Variants in DRC8 observed in about 807,000 individuals in gnomAD.
DRC8 encodes the protein dynein regulatory complex protein 8.
chr1:245,084,902 G>A, the DRC8 span, among the ~76,000 whole-genome samples: 2 of 152,244 alleles, frequency 1.3e-5, no homozygotes, highest in Non-Finnish European at 1.5e-5. Context: ...GAACTCTGAC[G>A]CCATTGTTAA....
chr1:245,025,698 C>T, the DRC8 span, among the ~76,000 whole-genome samples: 1 of 152,266 alleles, frequency 6.6e-6, no homozygotes, highest in Non-Finnish European at 1.5e-5. Flanking sequence ...CACTGTGTCC[C>T]CACCCAGATC....
chr1:245,119,363 T>C, the DRC8 span, among the ~76,000 whole-genome samples: 2 of 148,398 alleles, frequency 1.3e-5, no homozygotes, highest in Non-Finnish European at 3.0e-5. Flanking sequence ...TTTTTCATAC[T>C]AAAAGTAACC....
chr1:245,115,741 G>A, the DRC8 span, among the ~76,000 whole-genome samples: 1 of 152,154 alleles, frequency 6.6e-6, no homozygotes, highest in East Asian at 1.9e-4. Context: ...CCAACACCAG[G>A]GCAGAATGAT....
the DRC8 span, among the ~76,000 whole-genome samples, chr1:245,073,962 A>G: frequency 6.6e-6 from 1 of 152,272 alleles, no homozygotes; most frequent in Non-Finnish European, 1.5e-5. Context: ...TCTAGTGGTC[A>G]CAAAGACACT....
the DRC8 span, among the ~76,000 whole-genome samples, chr1:245,078,456 TATGTAC>T: frequency 3.8e-3 from 56 of 14,576 alleles, no homozygotes; most frequent in African/African-American, 7.7e-3. Flanking sequence ...GTGGATAGTA[TATGTAC>T]ACACACACAC....
At chr1:244,981,466 C>T in the DRC8 span, among the ~76,000 whole-genome samples, 10 of 152,000 alleles carry the variant, frequency 6.6e-5, no homozygotes, top group African/African-American at 1.9e-4. Context: ...GAATGTTTTA[C>T]GTGTATTATG....
the DRC8 span, among the ~76,000 whole-genome samples, chr1:245,109,853 G>A: frequency 9.2e-5 from 14 of 152,194 alleles, no homozygotes; most frequent in Non-Finnish European, 1.8e-4. Flanking sequence ...GCCTCAGCTC[G>A]GCGGTGGCCT....
chr1:245,061,599 A>G, the DRC8 span, among the ~76,000 whole-genome samples: 1 of 152,224 alleles, frequency 6.6e-6, no homozygotes. Flanking sequence ...GGGTGGGAAA[A>G]AAGCACATAA....
At chr1:245,001,204 T>C in the DRC8 span, among the ~76,000 whole-genome samples, 2 of 152,350 alleles carry the variant, frequency 1.3e-5, no homozygotes, top group African/African-American at 2.4e-5. Context: ...ATTAAGGTAT[T>C]ATTCCCATTT....
chr1:245,083,637 A>T, the DRC8 span: 1 of 1,610,088 alleles, frequency 6.2e-7, no homozygotes, highest in East Asian at 2.2e-5. Flanking sequence ...AGATTCAGCT[A>T]AACGTGGGTT....
the DRC8 span, among the ~76,000 whole-genome samples, chr1:245,018,733 C>A: frequency 2.0e-5 from 3 of 152,132 alleles, no homozygotes; most frequent in Non-Finnish European, 2.9e-5. Flanking sequence ...AGAAAAGAAA[C>A]CAGCATCTGC....
At chr1:245,045,824 T>C in the DRC8 span, among the ~76,000 whole-genome samples, 4 of 152,152 alleles carry the variant, frequency 2.6e-5, no homozygotes, top group Non-Finnish European at 5.9e-5. Context: ...TGAACAAAGA[T>C]GCAAACGAAG....
At chr1:244,976,493 AACTGG>A in the DRC8 span, among the ~76,000 whole-genome samples, 1 of 152,174 alleles carries the variant, frequency 6.6e-6, no homozygotes. Flanking sequence ...TTTGAAGAAA[AACTGG>A]ACTGAAATTT....
At chr1:245,025,319 AC>A in the DRC8 span, among the ~76,000 whole-genome samples, 576 of 152,280 alleles carry the variant, frequency 3.8e-3, 4 homozygotes, top group African/African-American at 0.013. Context: ...ATAAAAGTAC[AC>A]CACAAGTCCG....
chr1:244,970,431 A>G, the DRC8 span: 36 of 1,535,212 alleles, frequency 2.3e-5, no homozygotes, highest in East Asian at 2.7e-4. Flanking sequence ...GGCGGACGAG[A>G]AGGACAGGGA....
At chr1:245,052,656 G>T in the DRC8 span, among the ~76,000 whole-genome samples, 1 of 152,254 alleles carries the variant, frequency 6.6e-6, no homozygotes, top group East Asian at 1.9e-4. Context: ...GGCTGGAGAA[G>T]CTGGGCAGGT....
the DRC8 span, chr1:245,082,134 G>C: frequency 2.5e-6 from 4 of 1,612,896 alleles, no homozygotes. Flanking sequence ...ATTTCTTCCG[G>C]TGATGACAGA....
At chr1:245,069,348 C>T in the DRC8 span, among the ~76,000 whole-genome samples, 1 of 152,072 alleles carries the variant, frequency 6.6e-6, no homozygotes, top group Non-Finnish European at 1.5e-5. Context: ...AGTTACTATC[C>T]AACAAGTGGA....
chr1:244,974,068 G>A, the DRC8 span, among the ~76,000 whole-genome samples: 1 of 152,126 alleles, frequency 6.6e-6, no homozygotes, highest in African/African-American at 2.4e-5. Context: ...AAAGAAGAAT[G>A]TTTGAAACGG....
Sources: allele counts gnomAD v4.1 joint callset (sites outside exome capture counted in the v4.1 genomes callset), GRCh38; gene constraint gnomAD v4.1.1; transcripts MANE v1.5; gene names NCBI Gene and HGNC (gene_info 2026-07-23, HGNC 2026-07-21).